ODR4: variants seen among roughly 807,000 people sequenced by gnomAD.
The protein encoded by ODR4 is odr-4 GPCR localization factor homolog.
ODR4 carries 47 observed loss-of-function variants against 60.2 expected under a neutral mutation model. The observed-to-expected ratio is 0.78, with a 90% CI of 0.62 to 1.00. The LOEUF is 1.00. ODR4 is among the 50% of genes least tolerant of loss of function. The pLI, the probability that ODR4 is intolerant of heterozygous loss-of-function variation, is 0.00. For missense variants in ODR4, 488 were observed against 530.8 expected (o/e 0.92, Z 0.79); for synonymous variants, 178 against 175.5 (o/e 1.01, Z -0.11).
intron 11 of ODR4, among the ~76,000 whole-genome samples, chr1:186,399,482 T>G (rs1467708449): frequency 6.6e-6 from 1 of 152,100 alleles, no homozygotes; most frequent in African/African-American, 2.4e-5. Flanking sequence ...GTGCTGGGAT[T>G]ACAGGTGTGA....
chr1:186,387,992 T>TA (rs1660316886), intron 4 of ODR4, among the ~76,000 whole-genome samples: 1 of 152,244 alleles, frequency 6.6e-6, no homozygotes, highest in African/African-American at 2.4e-5. Flanking sequence ...TTTCTTTAGT[T>TA]AAAATCACTT....
At chr1:186,416,544 C>T (rs1167141252) in intron 12 of ODR4, among the ~76,000 whole-genome samples, 1 of 152,082 alleles carries the variant, frequency 6.6e-6, no homozygotes, top group African/African-American at 2.4e-5. Flanking sequence ...TAGTGGTGCA[C>T]CCCTGTAGTC....
At position 186,419,563 on chromosome 1, in the gene ODR4, AT is replaced by A. The variant is rs1661703769; in HGVS notation, c.*489del. Reference sequence around the variant, plus strand: ...TCTGTCTCTACTGGAAAAAAAAAAAATTAGCTGGACATGGTGGCAATCAGCT... The same window carrying A: ...TCTGTCTCTACTGGAAAAAAAAAAAATAGCTGGACATGGTGGCAATCAGCT... On this transcript the variant is annotated 3_prime_UTR_variant, in exon 14 of 14. Transcript: ENST00000287859. 1 of 155,284 alleles carries A rather than the reference AT, an allele frequency of 6.4e-6. No individual in the cohort carries two copies. Among genetic ancestry groups the A allele is most frequent in the Non-Finnish European group, 1.4e-5 (1 of 70,010 alleles). The allele number at this position is 155,284 out of a possible 1,614,324, so 9.6% of individuals were successfully genotyped here.
intron 9 of ODR4, among the ~76,000 whole-genome samples, chr1:186,396,694 T>C (rs1660691590): frequency 6.6e-6 from 1 of 151,268 alleles, no homozygotes; most frequent in African/African-American, 2.4e-5. Flanking sequence ...AATAGTCTAG[T>C]CTGTTTTGGA....
chr1:186,407,845 G>T (rs1226646432), intron 12 of ODR4, among the ~76,000 whole-genome samples: 1 of 152,016 alleles, frequency 6.6e-6, no homozygotes. Flanking sequence ...AACCTGTGGG[G>T]TTCAAAACCT....
Position 186,386,066 on chromosome 1 carries a change from C to G in ODR4, c.313C>G (p.Gln105Glu). ...ITTLELANDF[Q>E]NALRRLMFAV... ...TACTTTAGAACTGGCAAATGATTTTCAAAATGCCCTGCGTAGAGTAAGTTT... is the reference window on the plus strand; with the variant it reads ...TACTTTAGAACTGGCAAATGATTTTGAAAATGCCCTGCGTAGAGTAAGTTT... Residue 105 changes from glutamine to glutamate, a missense_variant, in exon 4 of 14, where the codon CAA (glutamine) becomes GAA (glutamate). By Grantham distance (29) the Gln-to-Glu change is conservative. Transcript: ENST00000287859. 2 of 1,594,324 alleles carry G rather than the reference C, an allele frequency of 1.3e-6. No homozygotes were observed. The highest frequency in any genetic ancestry group is 1.7e-6 in the Non-Finnish European group (2 of 1,167,700).
Position 186,391,779 on chromosome 1 carries a change from A to C in ODR4, c.699A>C (p.Leu233=). Residue 233 remains leucine, a synonymous_variant, in exon 8 of 14, where the codon CTA becomes CTC. Coordinates refer to ENST00000287859, the MANE Select transcript of ODR4 (RefSeq NM_017847.6). ...NGQVKDEDCD[L]LEGQKKSSRG... ...AAGTTAAAGATGAAGATTGTGACCT[A>C]TTAGAAGGACAGGTAAGTTAAGAGA... 6.3e-7 allele frequency: 1 copy of C among 1,581,912 alleles called. No homozygotes were observed. The highest frequency in any genetic ancestry group is 1.1e-5 in the South Asian group (1 of 88,190).
At chr1:186,380,555 A>G (rs1233430472) in intron 2 of ODR4, among the ~76,000 whole-genome samples, 3 of 147,238 alleles carry the variant, frequency 2.0e-5, no homozygotes, top group Admixed American at 7.0e-5. Flanking sequence ...GGCAGGAGGG[A>G]CCGGTCAGCA....
chr1:186,375,931 C>T lies in ODR4; in HGVS notation c.-63C>T. 9.5e-6 allele frequency: 2 copies of T among 211,226 alleles called. No individual in the cohort carries two copies. Among genetic ancestry groups the T allele is most frequent in the Admixed American group, 4.8e-5 (1 of 21,038 alleles). 13.1% of individuals were successfully genotyped at this position (211,226 alleles called of 1,614,324 possible). A position where few individuals can be genotyped will look rare whatever the true frequency, so the allele number is the denominator to read the frequency against. ...AAACCCCCATCTCCGGCGGAGAGACCGTCCGAGGTAATTGTCTGCCACGAG... is the reference window on the plus strand; with the variant it reads ...AAACCCCCATCTCCGGCGGAGAGACTGTCCGAGGTAATTGTCTGCCACGAG... On this transcript the variant is annotated 5_prime_UTR_variant, in exon 1 of 14. Coordinates refer to ENST00000287859, the MANE Select transcript of ODR4 (RefSeq NM_017847.6).
At chr1:186,414,106 T>A (rs986544421) in intron 12 of ODR4, among the ~76,000 whole-genome samples, 11 of 152,168 alleles carry the variant, frequency 7.2e-5, no homozygotes, top group African/African-American at 2.7e-4. Context: ...AGATTTGGTT[T>A]AAAAATCCTA....
chr1:186,414,710 C>T (rs1307770854), intron 12 of ODR4, among the ~76,000 whole-genome samples: 1 of 151,836 alleles, frequency 6.6e-6, no homozygotes, highest in Non-Finnish European at 1.5e-5. Context: ...TTAGTAGAGA[C>T]GGGGTTTCAC....
At position 186,400,922 on chromosome 1, in the gene ODR4, T is replaced by C. The variant is rs1309632362; in HGVS notation, c.1000+1878T>C. On this transcript the variant is annotated intron_variant, in intron 11 of 13. Transcript: ENST00000287859. ...CATCAGTCTAGCAGCCCCATCTCAGTGTGGCTTTGTTTTTGCAATTTGACT... is the reference window on the plus strand; with the variant it reads ...CATCAGTCTAGCAGCCCCATCTCAGCGTGGCTTTGTTTTTGCAATTTGACT... 1.5e-5 allele frequency: 13 copies of C among 847,860 alleles called. No homozygotes were observed. In the East Asian group the frequency reaches 2.9e-4, roughly 19 times the overall value. The allele number at this position is 847,860 out of a possible 1,614,324, so 52.5% of individuals were successfully genotyped here.
intron 12 of ODR4, among the ~76,000 whole-genome samples, chr1:186,412,396 AT>A (rs1482087422): frequency 1.3e-5 from 2 of 152,120 alleles, no homozygotes; most frequent in African/African-American, 4.8e-5. Context: ...TGAAGGATGA[AT>A]ACAAATAAAA....
downstream of ODR4, among the ~76,000 whole-genome samples, chr1:186,425,873 C>G (rs1661872680): frequency 6.6e-6 from 1 of 152,182 alleles, no homozygotes; most frequent in African/African-American, 2.4e-5. Context: ...ATGTTCTACA[C>G]ACTTTAAATA....
At chr1:186,397,252 A>G (rs1660718207) in intron 9 of ODR4, among the ~76,000 whole-genome samples, 1 of 152,176 alleles carries the variant, frequency 6.6e-6, no homozygotes, top group Non-Finnish European at 1.5e-5. Context: ...TTCCGCATTT[A>G]TTCCTGATTG....
chr1:186,407,505 A>G (rs1309076160), intron 12 of ODR4, among the ~76,000 whole-genome samples: 1 of 152,108 alleles, frequency 6.6e-6, no homozygotes, highest in East Asian at 1.9e-4. Context: ...TAGATCTTAT[A>G]ATGTTGGTAG....
chr1:186,404,140 A>G (rs1351940689), intron 11 of ODR4, among the ~76,000 whole-genome samples: 1 of 152,140 alleles, frequency 6.6e-6, no homozygotes, highest in Non-Finnish European at 1.5e-5. Flanking sequence ...TAATTTTAAA[A>G]TTTTTTTATT....
chr1:186,401,672 G>T (rs1178985783), intron 11 of ODR4, among the ~76,000 whole-genome samples: 1 of 145,748 alleles, frequency 6.9e-6, no homozygotes, highest in African/African-American at 2.6e-5. Flanking sequence ...ATTAATTTTT[G>T]TATGTTGGAT....
chr1:186,381,163 A>G (rs563165826), intron 2 of ODR4, among the ~76,000 whole-genome samples: 29 of 152,260 alleles, frequency 1.9e-4, no homozygotes, highest in African/African-American at 7.0e-4. Flanking sequence ...CTCTTTGTTT[A>G]AAACATTTAA....
Sources: allele counts gnomAD v4.1 joint callset (sites outside exome capture counted in the v4.1 genomes callset), GRCh38; gene constraint gnomAD v4.1.1; transcripts MANE v1.5; gene names NCBI Gene and HGNC (gene_info 2026-07-23, HGNC 2026-07-21).